GRIP1: variants seen among roughly 807,000 people sequenced by gnomAD.
The protein encoded by GRIP1 is glutamate receptor-interacting protein 1.
GRIP1 carries 45 observed loss-of-function variants against 129.9 expected under a neutral mutation model. That is an observed-to-expected ratio of 0.35 (90% CI 0.27 to 0.44). The LOEUF is 0.44. GRIP1 is among the 20% of genes least tolerant of loss of function. The pLI, the probability that GRIP1 is intolerant of heterozygous loss-of-function variation, is 1.00. For synonymous variants in GRIP1, 530 were observed against 520.8 expected (o/e 1.02, Z -0.24); for missense variants, 1,196 against 1,396.8 (o/e 0.86, Z 2.29).
chr12:66,851,439 C>T (rs895137917), intron 1 of GRIP1, among the ~76,000 whole-genome samples: 9 of 152,096 alleles, frequency 5.9e-5, no homozygotes, highest in Non-Finnish European at 1.3e-4. Flanking sequence ...AGTTTTATTA[C>T]AATTACATTT....
At position 66,456,438 on chromosome 12, in the gene GRIP1, G is replaced by C. The variant is rs2058967113; in HGVS notation, c.1043-96C>G. The C allele has an allele frequency of 3.5e-5, 20 of 578,726 alleles. No individual in the cohort carries two copies. In the South Asian group the frequency reaches 4.0e-4, roughly 12 times the overall value. 35.8% of individuals were successfully genotyped at this position (578,726 alleles called of 1,614,324 possible). A position where few individuals can be genotyped will look rare whatever the true frequency, so the allele number is the denominator to read the frequency against. On this transcript the variant is annotated intron_variant, in intron 9 of 24. Transcript: ENST00000359742. ...AATAACTGAATTGCCCAAATTAAAA[G>C]TATAACAAAAAAGAAAGCTGCTTGC... is the stretch of plus-strand genomic sequence containing the variant.
In GRIP1 at chr12:66,768,456, A is replaced by G. The variant is rs143699705; in HGVS notation, c.-420+35597T>C. ...AATTGCTTCCGTGGCAATAAAGACT[A>G]GAATTGCCAATACAGATGACGCACC... On this transcript the variant is annotated intron_variant, in intron 1 of 4. Transcript: ENST00000538373. 2.0e-3 allele frequency among the ~76,000 whole-genome samples: 312 copies of G among 152,344 alleles called. 2 individuals are homozygous for G. The highest frequency in any genetic ancestry group is 6.8e-3 in the Middle Eastern group (2 of 294).
chr12:66,526,551 T>C (rs1477756600), intron 5 of GRIP1, among the ~76,000 whole-genome samples: 2 of 152,122 alleles, frequency 1.3e-5, no homozygotes, highest in African/African-American at 2.4e-5. Flanking sequence ...AAGACTTAAA[T>C]GTTAGACCTA....
intron 2 of GRIP1, among the ~76,000 whole-genome samples, chr12:66,566,491 G>A (rs2062761789): frequency 6.6e-6 from 1 of 152,174 alleles, no homozygotes; most frequent in African/African-American, 2.4e-5. Context: ...TGGTGGATAA[G>A]CTTTTTGATG....
chr12:66,612,058 T>C (rs1425493445), intron 1 of GRIP1, among the ~76,000 whole-genome samples: 1 of 152,206 alleles, frequency 6.6e-6, no homozygotes, highest in East Asian at 1.9e-4. Context: ...CAAATAGGAA[T>C]ACTAATATAT....
At chr12:66,608,408 C>T (rs138506271) in intron 1 of GRIP1, among the ~76,000 whole-genome samples, 3,001 of 152,290 alleles carry the variant, frequency 0.02, 99 homozygotes, top group African/African-American at 0.068. Flanking sequence ...TCTTGACTCA[C>T]TGCAACCTCC....
At chr12:66,417,839 T>C (rs1026335693) in intron 15 of GRIP1, among the ~76,000 whole-genome samples, 3 of 152,114 alleles carry the variant, frequency 2.0e-5, no homozygotes, top group Non-Finnish European at 4.4e-5. Flanking sequence ...GAAGGATCAA[T>C]ATTGTTAAAA....
chr12:66,702,884 T>C (rs1236419385), intron 1 of GRIP1, among the ~76,000 whole-genome samples: 1 of 152,170 alleles, frequency 6.6e-6, no homozygotes, highest in East Asian at 1.9e-4. Context: ...TTTTAGACAA[T>C]ACTTGTTAAT....
chr12:66,960,856 G>A (rs1214259149), intron 1 of GRIP1, among the ~76,000 whole-genome samples: 1 of 152,196 alleles, frequency 6.6e-6, no homozygotes, highest in Non-Finnish European at 1.5e-5. Context: ...CAAATGAAAC[G>A]CGAGCTTTTA....
At chr12:66,476,621 A>G (rs546374164) in intron 7 of GRIP1, among the ~76,000 whole-genome samples, 2 of 152,320 alleles carry the variant, frequency 1.3e-5, no homozygotes, top group East Asian at 3.9e-4. Flanking sequence ...CGATGCCAAA[A>G]TCCTCAATAA....
At chr12:66,789,951 G>C (rs941111446) in intron 1 of GRIP1, among the ~76,000 whole-genome samples, 3 of 151,996 alleles carry the variant, frequency 2.0e-5, no homozygotes, top group Non-Finnish European at 4.4e-5. Flanking sequence ...AAAGTGTTTA[G>C]AGCTACCATT....
At position 66,394,254 on chromosome 12, in the gene GRIP1, C is replaced by T. The variant is rs1419825418; in HGVS notation, c.2083G>A (p.Asp695Asn). ...ITISGTEEPF[D>N]PIIISSLTKG... ...GTGAGGCTTGAAATGATTATAGGATCAAACGGCTCTTCAGTTCCTGAAATT... is the reference window on the plus strand; with the variant it reads ...GTGAGGCTTGAAATGATTATAGGATTAAACGGCTCTTCAGTTCCTGAAATT... The change falls in exon 17 of 25, where the codon GAT becomes AAT. Residue 695 changes from aspartate (D) to asparagine (N), a missense_variant. By Grantham distance (23) the Asp-to-Asn change is conservative (BLOSUM62 1). Coordinates refer to ENST00000359742, the MANE Select transcript of GRIP1 (RefSeq NM_001366722.1). The T allele has an allele frequency of 1.9e-6, 3 of 1,613,930 alleles. No individual in the cohort carries two copies. Among genetic ancestry groups the T allele is most frequent in the Non-Finnish European group, 2.5e-6 (3 of 1,179,932 alleles).
intron 7 of GRIP1, among the ~76,000 whole-genome samples, chr12:66,479,757 G>A (rs750615284): frequency 5.9e-5 from 9 of 152,120 alleles, no homozygotes; most frequent in Non-Finnish European, 1.3e-4. Context: ...ATGCAAGGCT[G>A]GTTCAGCATA....
At chr12:66,735,668 T>TGACA (rs1038348800) in intron 1 of GRIP1, among the ~76,000 whole-genome samples, 1 of 151,654 alleles carries the variant, frequency 6.6e-6, no homozygotes, top group African/African-American at 2.4e-5. Flanking sequence ...AGAACAAAGG[T>TGACA]GACAGGAAGG....
At chr12:66,714,420 C>T (rs181312163) in intron 1 of GRIP1, among the ~76,000 whole-genome samples, 5 of 152,118 alleles carry the variant, frequency 3.3e-5, no homozygotes, top group East Asian at 1.9e-4. Flanking sequence ...TGATCAATGT[C>T]GTTGCCAGAT....
chr12:66,451,410 TTTTTTTTTTTTC>T, intron 11 of GRIP1, among the ~76,000 whole-genome samples: 3 of 90,616 alleles, frequency 3.3e-5, no homozygotes, highest in Middle Eastern at 7.0e-3. Context: ...TTTTTTTTTT[TTTTTTTTTTTTC>T]AGATAGGCTC....
intron 7 of GRIP1, among the ~76,000 whole-genome samples, chr12:66,472,092 G>A (rs143253165): frequency 1.3e-5 from 2 of 152,212 alleles, no homozygotes; most frequent in Non-Finnish European, 2.9e-5. Flanking sequence ...AGATGAATCA[G>A]CAGCAGCATT....
intron 1 of GRIP1, among the ~76,000 whole-genome samples, chr12:67,050,488 T>C (rs909483202): frequency 2.6e-5 from 4 of 152,178 alleles, no homozygotes; most frequent in African/African-American, 9.7e-5. Flanking sequence ...AGGGCCTCAA[T>C]AAATGCCGAA....
intron 1 of GRIP1, among the ~76,000 whole-genome samples, chr12:67,059,615 A>G (rs1166523638): frequency 3.9e-5 from 6 of 152,192 alleles, no homozygotes; most frequent in Non-Finnish European, 5.9e-5. Flanking sequence ...GACAAGATCT[A>G]ATTTTTTCCT....
Sources: allele counts gnomAD v4.1 joint callset (sites outside exome capture counted in the v4.1 genomes callset), GRCh38; gene constraint gnomAD v4.1.1; transcripts MANE v1.5; gene names NCBI Gene and HGNC (gene_info 2026-07-23, HGNC 2026-07-21).